Variants in GLIS3 observed in about 807,000 individuals in gnomAD.
GLIS3 encodes the protein GLIS family zinc finger 3, also known as zinc finger protein GLIS3.
A neutral mutation model predicts 78.6 loss-of-function variants in GLIS3; 53 were observed. That is an observed-to-expected ratio of 0.67 (90% CI 0.54 to 0.85). The LOEUF (loss-of-function observed/expected upper bound fraction) is 0.85. Ranked by LOEUF, GLIS3 falls within the 40% of genes least tolerant of loss-of-function variation. The probability of loss-of-function intolerance (pLI) is 0.00; values close to 1 mark genes in which losing one functional copy is unlikely to be tolerated. For missense variants in GLIS3, 1,703 were observed against 1,231.1 expected (o/e 1.38, Z -5.74); for synonymous variants, 684 against 509.9 (o/e 1.34, Z -4.60).
At chr9:4,469,992 C>T in the GLIS3 span, among the ~76,000 whole-genome samples, 83,885 of 151,046 alleles carry the variant, frequency 0.56, 24,356 homozygotes, top group Middle Eastern at 0.66. Context: ...CATCAGAGAA[C>T]AGAAAATCTA....
intron 2 of GLIS3, among the ~76,000 whole-genome samples, chr9:4,248,867 T>G (rs899531947): frequency 6.6e-6 from 1 of 152,204 alleles, no homozygotes; most frequent in East Asian, 1.9e-4. Context: ...TCATGTTTGT[T>G]GGCCACATAA....
intron 4 of GLIS3, among the ~76,000 whole-genome samples, chr9:3,992,605 T>G (rs1820407449): frequency 6.6e-6 from 1 of 152,178 alleles, no homozygotes; most frequent in Admixed American, 6.5e-5. Flanking sequence ...TATTAAGGAG[T>G]AAACAGTATT....
At chr9:4,376,066 C>T in the GLIS3 span, among the ~76,000 whole-genome samples, 3 of 152,090 alleles carry the variant, frequency 2.0e-5, no homozygotes, top group Admixed American at 2.0e-4. Context: ...AAACACCAGA[C>T]AAAATATAAA....
At chr9:4,008,748 A>G (rs955545297) in intron 4 of GLIS3, among the ~76,000 whole-genome samples, 5 of 152,226 alleles carry the variant, frequency 3.3e-5, no homozygotes, top group African/African-American at 4.8e-5. Context: ...ACCCTGGTCT[A>G]AATGCCACCA....
chr9:4,455,317 T>C, the GLIS3 span, among the ~76,000 whole-genome samples: 1 of 152,214 alleles, frequency 6.6e-6, no homozygotes. Flanking sequence ...ACCACACTCT[T>C]TGTAGACAAC....
At chr9:4,378,917 C>G in the GLIS3 span, among the ~76,000 whole-genome samples, 1 of 152,100 alleles carries the variant, frequency 6.6e-6, no homozygotes, top group Non-Finnish European at 1.5e-5. Flanking sequence ...CCCCATCAAG[C>G]CAAGTGTTTG....
At chr9:4,483,760 A>G in the GLIS3 span, among the ~76,000 whole-genome samples, 1 of 150,622 alleles carries the variant, frequency 6.6e-6, no homozygotes, top group East Asian at 1.9e-4. Flanking sequence ...GGTTAAGTGC[A>G]CAAATTCTAG....
chr9:3,939,238 G>A (rs527654302), intron 4 of GLIS3, among the ~76,000 whole-genome samples: 431 of 152,286 alleles, frequency 2.8e-3, no homozygotes, highest in Non-Finnish European at 4.5e-3. Flanking sequence ...TGAGAGCGGA[G>A]AACTACTTTA....
chr9:4,353,159 T>C (rs1297266127), upstream of GLIS3, among the ~76,000 whole-genome samples: 1 of 152,106 alleles, frequency 6.6e-6, no homozygotes, highest in African/African-American at 2.4e-5. Context: ...CTCTGAGAAG[T>C]TCCCTCTCTT....
intron 4 of GLIS3, among the ~76,000 whole-genome samples, chr9:3,961,515 G>A (rs376041975): frequency 3.9e-4 from 59 of 152,274 alleles, no homozygotes; most frequent in Non-Finnish European, 6.0e-4. Context: ...AATAACATTC[G>A]TTGAAAGTTT....
chr9:4,064,923 G>GT (rs1045117701), intron 4 of GLIS3, among the ~76,000 whole-genome samples: 5 of 152,178 alleles, frequency 3.3e-5, no homozygotes, highest in African/African-American at 1.2e-4. Context: ...CCAGGGAGCT[G>GT]TAAGTATTTG....
intron 4 of GLIS3, among the ~76,000 whole-genome samples, chr9:3,972,245 G>T (rs537034637): frequency 6.6e-6 from 1 of 152,272 alleles, no homozygotes; most frequent in Admixed American, 6.5e-5. Flanking sequence ...GGCTTAAGAT[G>T]GTTCTTCTCT....
chr9:4,424,437 T>C, the GLIS3 span, among the ~76,000 whole-genome samples: 4 of 152,240 alleles, frequency 2.6e-5, no homozygotes, highest in East Asian at 1.9e-4. Context: ...GATTCTAGCC[T>C]AGATTCCTAA....
At chr9:4,392,102 A>T in the GLIS3 span, among the ~76,000 whole-genome samples, 1 of 152,186 alleles carries the variant, frequency 6.6e-6, no homozygotes, top group Non-Finnish European at 1.5e-5. Flanking sequence ...TTGCAGGGAC[A>T]TGGATGAACC....
chr9:4,210,044 C>T (rs1355262107), intron 2 of GLIS3, among the ~76,000 whole-genome samples: 2 of 152,204 alleles, frequency 1.3e-5, no homozygotes, highest in African/African-American at 4.8e-5. Context: ...TTTTGTTCAG[C>T]TTGGTGTCCC....
chr9:4,307,564 T>G (rs548802113), intron 4 of GLIS3, among the ~76,000 whole-genome samples: 2 of 152,064 alleles, frequency 1.3e-5, no homozygotes, highest in Non-Finnish European at 2.9e-5. Flanking sequence ...AAAATCCACA[T>G]CCTAACTCCT....
intron 2 of GLIS3, among the ~76,000 whole-genome samples, chr9:4,166,222 T>C (rs918554057): frequency 6.6e-6 from 1 of 152,136 alleles, no homozygotes; most frequent in Non-Finnish European, 1.5e-5. Context: ...CTATAATCAA[T>C]ACGTTTATTA....
At chr9:3,960,020 T>G (rs990770430) in intron 4 of GLIS3, among the ~76,000 whole-genome samples, 2 of 152,088 alleles carry the variant, frequency 1.3e-5, no homozygotes, top group Non-Finnish European at 2.9e-5. Flanking sequence ...GGCATGGTGG[T>G]GTGCACCTGT....
At chr9:4,187,030 T>C (rs1267725474) in intron 2 of GLIS3, among the ~76,000 whole-genome samples, 3 of 152,238 alleles carry the variant, frequency 2.0e-5, no homozygotes, top group Non-Finnish European at 2.9e-5. Context: ...CTGGCTTTTG[T>C]TGCCATTGCT....
Sources: allele counts gnomAD v4.1 joint callset (sites outside exome capture counted in the v4.1 genomes callset), GRCh38; gene constraint gnomAD v4.1.1; transcripts MANE v1.5; gene names NCBI Gene and HGNC (gene_info 2026-07-23, HGNC 2026-07-21).